The following RAB11FIP3 variants were observed in gnomAD, a reference collection of about 807,000 sequenced individuals.
RAB11FIP3 encodes the protein rab11 family-interacting protein 3.
In RAB11FIP3, 17 loss-of-function variants were observed where a neutral mutation model predicts 77.8. That is an observed-to-expected ratio of 0.22 (90% CI 0.15 to 0.33). RAB11FIP3 has a LOEUF of 0.33. RAB11FIP3 is among the 10% of genes least tolerant of loss of function. The probability of loss-of-function intolerance (pLI) is 1.00; values close to 1 mark genes in which losing one functional copy is unlikely to be tolerated. For synonymous variants in RAB11FIP3, 437 were observed against 448.2 expected (o/e 0.98, Z 0.31); for missense variants, 1,005 against 1,011.2 (o/e 0.99, Z 0.08).
intron 4 of RAB11FIP3, among the ~76,000 whole-genome samples, chr16:486,359 G>T (rs2056153359): frequency 6.6e-6 from 1 of 152,180 alleles, no homozygotes; most frequent in African/African-American, 2.4e-5. Context: ...GGGCCTGGTG[G>T]CACGCACCTG....
intron 9 of RAB11FIP3, 36 bp downstream of exon 9, chr16:510,836 C>T: frequency 6.2e-7 from 1 of 1,606,512 alleles, no homozygotes; most frequent in Non-Finnish European, 8.5e-7. Flanking sequence ...ACCCCAGAAC[C>T]TGCAGGCCAG....
Position 480,286 on chromosome 16 carries a change from C to CAAAAAAAAGAA in RAB11FIP3, c.904-2231_904-2230insGAAAAAAAAAA, listed in dbSNP as rs752259728. On this transcript the variant is annotated intron_variant, in intron 3 of 13. Transcript: ENST00000262305. ...GGCAGGAAGAGTAAAACTCCTTCTC[C>CAAAAAAAAGAA]AAAAAAAAAAAAAAAAAAAAGTTGA... is the stretch of plus-strand genomic sequence containing the variant. Among the ~76,000 whole-genome samples the CAAAAAAAAGAA allele has an allele frequency of 7.2e-4, 58 of 80,020 alleles. 1 individual carries two copies. Among genetic ancestry groups the CAAAAAAAAGAA allele is most frequent in the African/African-American group, 2.7e-3 (57 of 20,756 alleles). The allele number at this position is 80,020 out of a possible 152,430, so 52.5% of individuals were successfully genotyped here.
At chr16:486,731 G>A (rs1398140067) in intron 4 of RAB11FIP3, among the ~76,000 whole-genome samples, 2 of 152,214 alleles carry the variant, frequency 1.3e-5, no homozygotes, top group Non-Finnish European at 2.9e-5. Flanking sequence ...TCAGGAAGAA[G>A]TGTCCTGAGG....
At position 497,507 on chromosome 16, in the gene RAB11FIP3, C is replaced by T. The variant is rs916836027; in HGVS notation, c.1301+648C>T. 1.1e-5 allele frequency: 13 copies of T among 1,177,172 alleles called. No homozygotes were observed. In the African/African-American group the frequency reaches 1.1e-4, roughly 10 times the overall value. 72.9% of individuals were successfully genotyped at this position (1,177,172 alleles called of 1,614,324 possible). A position where few individuals can be genotyped will look rare whatever the true frequency, so the allele number is the denominator to read the frequency against. On this transcript the variant is annotated intron_variant, in intron 6 of 13. Transcript: ENST00000262305. ...CTAGTCCCCGTCCTGCTTCGTGGCCCGGCATCTGGCAGGGCTGGGAGACGC... is the reference window on the plus strand; with the variant it reads ...CTAGTCCCCGTCCTGCTTCGTGGCCTGGCATCTGGCAGGGCTGGGAGACGC...
intron 6 of RAB11FIP3, 32 bp downstream of exon 6, chr16:496,891 G>T: frequency 2.6e-6 from 4 of 1,520,960 alleles, no homozygotes; most frequent in Non-Finnish European, 3.6e-6. Context: ...GCTGAAAAAC[G>T]TTCTGAAGTG....
chr16:458,703 TC>T, intron 1 of RAB11FIP3, among the ~76,000 whole-genome samples: 1 of 149,512 alleles, frequency 6.7e-6, no homozygotes, highest in Non-Finnish European at 1.5e-5. Context: ...GCCTGTTGCC[TC>T]TCCCTGTCCC....
Position 503,013 on chromosome 16 carries a change from C to G in RAB11FIP3, c.1311C>G (p.His437Gln). Reference sequence around the variant, plus strand: ...TGTGCCTTTTCTGTAGGTACCTGCACCAGTCAGGGGCCCTGACCATGGAGG... The same window carrying G: ...TGTGCCTTTTCTGTAGGTACCTGCAGCAGTCAGGGGCCCTGACCATGGAGG... The part of the protein sequence containing the change: ...LSSKKVARYL[H>Q]QSGALTMEAL... The change falls in exon 7 of 14, where the codon CAC (histidine) becomes CAG (glutamine). Residue 437 changes from histidine (H) to glutamine (Q), a missense_variant. By Grantham distance (24) the His-to-Gln change is conservative. This residue lies in a region of RAB11FIP3 where 433 missense variants were observed against 436.1 expected (regional missense o/e 0.99). Transcript: ENST00000262305. 1 of 1,611,676 alleles carries G rather than the reference C, an allele frequency of 6.2e-7. No homozygotes were observed. Among genetic ancestry groups the G allele is most frequent in the Non-Finnish European group, 8.5e-7 (1 of 1,178,372 alleles).
In RAB11FIP3 at chr16:425,807, C is replaced by T. The variant is rs1054673496; in HGVS notation, c.-200C>T. ...CCCGCCGCCATGGGCCTGCGCCCGC[C>T]GCGCCGCCGGGCCGAGGGCAGCTGA... On this transcript the variant is annotated 5_prime_UTR_variant, in exon 1 of 14. Coordinates refer to ENST00000262305, the MANE Select transcript of RAB11FIP3 (RefSeq NM_014700.4). 316 of 328,466 alleles carry T rather than the reference C, an allele frequency of 9.6e-4. 3 individuals are homozygous for T. In the East Asian group the frequency reaches 0.013, roughly 13 times the overall value. The allele number at this position is 328,466 out of a possible 1,614,324, so 20.3% of individuals were successfully genotyped here.
At chr16:509,947 G>A (rs886611413) in intron 8 of RAB11FIP3, among the ~76,000 whole-genome samples, 9 of 152,390 alleles carry the variant, frequency 5.9e-5, no homozygotes, top group African/African-American at 2.2e-4. Context: ...CTGGTGTTCA[G>A]CTGCCGCGGA....
At chr16:497,538 C>T (rs2031237272) in intron 6 of RAB11FIP3, 1 of 1,090,130 alleles carries the variant, frequency 9.2e-7, no homozygotes, top group Non-Finnish European at 1.2e-6. Context: ...GACGCCTCTC[C>T]AGCTTCCTCT....
Position 510,717 on chromosome 16 carries a change from C to A in RAB11FIP3, c.1557C>A (p.Val519=), listed in dbSNP as rs753563226. The change falls in exon 9 of 14, where the codon GTC becomes GTA. Residue 519 remains valine (V), a synonymous_variant. Transcript: ENST00000262305. The part of the protein sequence containing the change: ...KEQELRACEM[V]LEETRRQKEL... ...AGGAGCTGAGAGCCTGCGAGATGGT[C>A]CTGGAAGAGACCCGGCGTCAGAAGG... 3 of 1,612,954 alleles carry A rather than the reference C, an allele frequency of 1.9e-6. No homozygotes were observed. The highest frequency in any genetic ancestry group is 1.3e-5 in the African/African-American group (1 of 74,886).
intron 1 of RAB11FIP3, among the ~76,000 whole-genome samples, chr16:439,635 C>T (rs2055192386): frequency 6.6e-6 from 1 of 152,148 alleles, no homozygotes; most frequent in Non-Finnish European, 1.5e-5. Context: ...ACACCCGTGA[C>T]ACAGCCTCAG....
chr16:494,105 T>TGGTAGCCAGGATG (rs1596275226), intron 5 of RAB11FIP3, among the ~76,000 whole-genome samples: 1 of 50,152 alleles, frequency 2.0e-5, no homozygotes, highest in Non-Finnish European at 3.8e-5. Flanking sequence ...GGTTTCACCA[T>TGGTAGCCAGGATG]GTCTCAATCT....
At chr16:440,166 TCTTTA>T (rs1009732808) in intron 1 of RAB11FIP3, among the ~76,000 whole-genome samples, 1 of 151,800 alleles carries the variant, frequency 6.6e-6, no homozygotes, top group African/African-American at 2.4e-5. Flanking sequence ...AATATTTATT[TCTTTA>T]CTTTTATTTT....
chr16:459,222 A>G (rs1299317719), intron 1 of RAB11FIP3, among the ~76,000 whole-genome samples: 2 of 136,838 alleles, frequency 1.5e-5, no homozygotes, highest in Admixed American at 7.6e-5. Flanking sequence ...CACCTCCCGG[A>G]TTCAAGCAAT....
Position 514,680 on chromosome 16 carries a change from G to T in RAB11FIP3, c.1640+3880G>T, listed in dbSNP as rs752650919. ...TCTCAGGACACAGGGCCCGGGAGAG[G>T]TTCTAGGAAAGGCCAGGTACCTCTG... On this transcript the variant is annotated intron_variant, in intron 9 of 13. Coordinates refer to ENST00000262305, the MANE Select transcript of RAB11FIP3 (RefSeq NM_014700.4). The surrounding 1 kb of genome is among the most constrained non-coding windows in gnomAD (Gnocchi z 4.6). 1.2e-4 allele frequency among the ~76,000 whole-genome samples: 19 copies of T among 152,212 alleles called. No individual in the cohort carries two copies. The highest frequency in any genetic ancestry group is 2.6e-4 in the Non-Finnish European group (18 of 68,036).
intron 1 of RAB11FIP3, among the ~76,000 whole-genome samples, chr16:440,679 G>C (rs114519096): frequency 3.3e-5 from 5 of 152,252 alleles, no homozygotes; most frequent in Non-Finnish European, 7.3e-5. Flanking sequence ...ATACACAGAT[G>C]CTTTTATCCC....
chr16:438,074 G>T lies in RAB11FIP3; in HGVS notation c.714+11354G>T, dbSNP rs193148056. On this transcript the variant is annotated intron_variant, in intron 1 of 13. Transcript: ENST00000262305. Reference sequence around the variant, plus strand: ...TCCACCCACCTTGGCCTCCCAAAGTGCTGGGATTACAGGCATCAGCCACTG... The same window carrying T: ...TCCACCCACCTTGGCCTCCCAAAGTTCTGGGATTACAGGCATCAGCCACTG... Among the ~76,000 whole-genome samples the T allele has an allele frequency of 1.1e-4, 16 of 151,766 alleles. No homozygotes were observed. The East Asian group carries it at 2.5e-3, about 24-fold the overall frequency.
chr16:441,472 G>A (rs955593899), intron 1 of RAB11FIP3, among the ~76,000 whole-genome samples: 3 of 152,142 alleles, frequency 2.0e-5, no homozygotes, highest in African/African-American at 4.8e-5. Flanking sequence ...AAGTCCTGCC[G>A]ATTCATTCAA....
Sources: gnomAD v4.1 joint callset for allele counts (sites outside exome capture counted in the v4.1 genomes callset) on GRCh38, gnomAD v4.1.1 for gene constraint, gnomAD v4.1.1 regional missense constraint, Gnocchi (gnomAD v3.1) non-coding constraint, MANE v1.5 for transcripts, NCBI Gene and HGNC (gene_info 2026-07-23, HGNC 2026-07-21) for gene names.